Variants in SLC41A3 observed in about 807,000 individuals in gnomAD.
The protein encoded by SLC41A3 is SLC41A1-like 2.
Under a neutral mutation model 45.4 loss-of-function variants are expected in SLC41A3, and 44 were observed. That is an observed-to-expected ratio of 0.97 (90% CI 0.76 to 1.25). The LOEUF (loss-of-function observed/expected upper bound fraction) is 1.25. Among genes scored for constraint, SLC41A3 ranks in the 50% most tolerant of loss-of-function variants. SLC41A3 has a pLI of 0.00. For synonymous variants in SLC41A3, 256 were observed against 252.4 expected, an observed-to-expected ratio of 1.01 and a Z score of -0.13; for missense variants, 550 against 600.6, an observed-to-expected ratio of 0.92 and a Z score of 0.88.
rs115769443 is a variant in SLC41A3, at chr3:126,097,736, A to T, written c.-79+3693T>A. On this transcript the variant is annotated intron_variant, in intron 1 of 9. Transcript: ENST00000508835. ...ATAAACTGGCAAAGTAAAATGACAA[A>T]CAGCAACCAGCAGCTGGCCTCAGTC... 1.8e-3 allele frequency among the ~76,000 whole-genome samples: 267 copies of T among 152,308 alleles called. 1 individual carries two copies. The highest frequency in any genetic ancestry group is 6.3e-3 in the African/African-American group (260 of 41,580).
At chr3:126,039,190 C>G (rs1942413733) in intron 3 of SLC41A3, among the ~76,000 whole-genome samples, 1 of 152,190 alleles carries the variant, frequency 6.6e-6, no homozygotes, top group Non-Finnish European at 1.5e-5. Context: ...TCCTTTAGAG[C>G]AACACAAATG....
chr3:126,008,788 A>G lies in SLC41A3; in HGVS notation c.1198T>C (p.Ser400Pro), dbSNP rs1469517801. Residue 400 changes from serine (S) to proline (P), a missense_variant, in exon 10 of 11, where the codon TCA becomes CCA. Physicochemically the swap from Ser to Pro is moderately conservative, Grantham distance 74. Coordinates refer to ENST00000360370, the MANE Select transcript of SLC41A3 (RefSeq NM_017836.4). ...ACAAAGGTCTGGCTGTTTATGACTG[A>G]CTGACCCTCCACCAGGTAGATGATG... ...FYIIYLVEGQ[S>P]VINSQTFVVL... 1 of 1,614,128 alleles carries G rather than the reference A, an allele frequency of 6.2e-7. No individual in the cohort carries two copies.
upstream of SLC41A3, among the ~76,000 whole-genome samples, chr3:126,086,100 G>GAA (rs906871735): frequency 6.7e-6 from 1 of 149,624 alleles, no homozygotes; most frequent in South Asian, 2.1e-4. Context: ...CTACTTCTAA[G>GAA]AAAAAAAAAG....
chr3:126,019,716 C>T (rs1409806058), intron 6 of SLC41A3, among the ~76,000 whole-genome samples: 1 of 152,156 alleles, frequency 6.6e-6, no homozygotes, highest in African/African-American at 2.4e-5. Flanking sequence ...TGACTCCATG[C>T]CAGGCATCCT....
At chr3:126,032,040 G>A (rs1272339987) in intron 4 of SLC41A3, among the ~76,000 whole-genome samples, 3 of 152,244 alleles carry the variant, frequency 2.0e-5, no homozygotes. Context: ...ACTTACACCT[G>A]AGTGGAGCCT....
chr3:126,096,523 G>C (rs1945606009), intron 1 of SLC41A3, among the ~76,000 whole-genome samples: 1 of 152,204 alleles, frequency 6.6e-6, no homozygotes, highest in Non-Finnish European at 1.5e-5. Context: ...TGAGGGCAAG[G>C]AACACCTGGC....
At chr3:126,020,309 G>T (rs556183844) in intron 6 of SLC41A3, among the ~76,000 whole-genome samples, 18 of 151,658 alleles carry the variant, frequency 1.2e-4, no homozygotes, top group East Asian at 3.9e-4. Context: ...GTGATGGGAG[G>T]GGGGGCCTCA....
At chr3:126,035,909 A>G (rs1007126385) in intron 3 of SLC41A3, among the ~76,000 whole-genome samples, 1 of 152,190 alleles carries the variant, frequency 6.6e-6, no homozygotes, top group Admixed American at 6.5e-5. Context: ...GGTCCTAGAG[A>G]TATCAGGGGA....
chr3:126,049,895 C>A (rs563623524), intron 3 of SLC41A3, among the ~76,000 whole-genome samples: 44 of 152,354 alleles, frequency 2.9e-4, no homozygotes, highest in African/African-American at 1.0e-3. Flanking sequence ...AGAGCTCCAT[C>A]TCTTGGCTCA....
rs959773259 is a variant in SLC41A3 at position 126,084,080 on chromosome 3, G to C, written c.-28+13C>G. ...TTCCGCCCCAACCCCGCCCGGAACAGGGCCGCGCTTACCGGGTCCCCTCCC... is the reference window on the plus strand; with the variant it reads ...TTCCGCCCCAACCCCGCCCGGAACACGGCCGCGCTTACCGGGTCCCCTCCC... On this transcript the variant is annotated intron_variant, in intron 1 of 10. Coordinates refer to ENST00000360370, the MANE Select transcript of SLC41A3 (RefSeq NM_017836.4). 27 of 152,368 alleles carry C rather than the reference G, an allele frequency of 1.8e-4. No homozygotes were observed. Among genetic ancestry groups the C allele is most frequent in the African/African-American group, 6.5e-4 (27 of 41,518 alleles). The allele number at this position is 152,368 out of a possible 1,614,324, so 9.4% of individuals were successfully genotyped here.
chr3:126,013,605 A>T (rs909344731), intron 8 of SLC41A3, among the ~76,000 whole-genome samples: 2 of 151,672 alleles, frequency 1.3e-5, no homozygotes, highest in African/African-American at 4.8e-5. Context: ...GGGAGGACAG[A>T]GATGATCACA....
intron 4 of SLC41A3, among the ~76,000 whole-genome samples, chr3:126,029,370 T>C (rs7623362): frequency 0.68 from 102,800 of 150,630 alleles, 36,582 homozygotes; most frequent in African/African-American, 0.9. Context: ...TGGCACTCCC[T>C]CCCCCACCAC....
Position 126,044,895 on chromosome 3 carries a change from C to CAAAAAAAAAAAAAAAAAAAAA in SLC41A3, c.381+6027_381+6047dup, listed in dbSNP as rs57581225. Among the ~76,000 whole-genome samples the CAAAAAAAAAAAAAAAAAAAAA allele has an allele frequency of 1.1e-4, 9 of 82,718 alleles. 2 individuals carry two copies. The highest frequency in any genetic ancestry group is 3.6e-4 in the African/African-American group (6 of 16,564). 54.3% of individuals were successfully genotyped at this position (82,718 alleles called of 152,430 possible). A position where few individuals can be genotyped will look rare whatever the true frequency, so the allele number is the denominator to read the frequency against. On this transcript the variant is annotated intron_variant, in intron 3 of 10. Coordinates refer to ENST00000360370, the MANE Select transcript of SLC41A3 (RefSeq NM_017836.4). Reference sequence around the variant, plus strand: ...TGGGCGACAGAGCGAGACTCCATCTCAAAAAAAAAAAAAAAAAAAAAAAAA... The same window carrying CAAAAAAAAAAAAAAAAAAAAA: ...TGGGCGACAGAGCGAGACTCCATCTCAAAAAAAAAAAAAAAAAAAAAAAAAAAAAAAAAAAAAAAAAAAAAA...
At chr3:126,066,558 T>C (rs1024742398) in intron 2 of SLC41A3, among the ~76,000 whole-genome samples, 1 of 152,218 alleles carries the variant, frequency 6.6e-6, no homozygotes, top group Non-Finnish European at 1.5e-5. Flanking sequence ...AAAACCTGTG[T>C]TGATGAGTGT....
chr3:126,068,845 C>T (rs899551029), intron 1 of SLC41A3, among the ~76,000 whole-genome samples: 8 of 152,144 alleles, frequency 5.3e-5, no homozygotes, highest in Admixed American at 2.6e-4. Flanking sequence ...TCTGGAGATC[C>T]CTGGAAGACC....
rs1269460608 is a variant in SLC41A3, at chr3:126,084,108, G to C, written c.-43C>G. 1.3e-5 allele frequency: 2 copies of C among 152,436 alleles called. No individual in the cohort carries two copies. Among genetic ancestry groups the C allele is most frequent in the African/African-American group, 4.8e-5 (2 of 41,404 alleles). The allele number at this position is 152,436 out of a possible 1,614,324, so 9.4% of individuals were successfully genotyped here. ...CCGCGCTTACCGGGTCCCCTCCCAG[G>C]CGGCGGCGGGAAAGAGGCGGGCGGA... On this transcript the variant is annotated 5_prime_UTR_variant, in exon 1 of 11. Transcript: ENST00000360370.
rs747496091 is a variant in SLC41A3 at position 126,026,513 on chromosome 3, C to T, written c.454-34G>A. 5.2e-5 allele frequency: 83 copies of T among 1,589,650 alleles called. 1 individual carries two copies. In the Admixed American group the frequency reaches 8.6e-4, roughly 16 times the overall value. On this transcript the variant is annotated intron_variant, in intron 4 of 10. Coordinates refer to ENST00000360370, the MANE Select transcript of SLC41A3 (RefSeq NM_017836.4). This position sits in a 1 kb window ranked among gnomAD's most constrained non-coding sequence, Gnocchi z 4.2. The stretch of plus-strand genomic sequence containing the variant: ...CAGAAATCAGAAGCATGAAGGGGGG[C>T]CCCGGGGCCACAGCCACACTCCCTG...
intron 3 of SLC41A3, among the ~76,000 whole-genome samples, chr3:126,038,736 C>T (rs973290943): frequency 6.6e-6 from 1 of 152,138 alleles, no homozygotes; most frequent in Non-Finnish European, 1.5e-5. Context: ...TTGGGGACTA[C>T]TGGAAAGGGA....
chr3:126,056,499 T>A (rs1025779388), intron 2 of SLC41A3: 5 of 1,614,152 alleles, frequency 3.1e-6, no homozygotes, highest in Non-Finnish European at 3.4e-6. Flanking sequence ...AGCTGAAGCC[T>A]CGCAGCTTCT....
Sources: allele counts gnomAD v4.1 joint callset (sites outside exome capture counted in the v4.1 genomes callset), GRCh38; gene constraint gnomAD v4.1.1; non-coding constraint Gnocchi (gnomAD v3.1); transcripts MANE v1.5; gene names NCBI Gene and HGNC (gene_info 2026-07-23, HGNC 2026-07-21).